The following CDK5RAP2 variants were observed in gnomAD, a reference collection of about 807,000 sequenced individuals.
CDK5RAP2 encodes the protein CDK5 regulatory subunit-associated protein 2.
CDK5RAP2 carries 147 observed loss-of-function variants against 232.9 expected under a neutral mutation model. The ratio of observed to expected loss-of-function variants is 0.63; its 90% CI spans 0.55 to 0.72. CDK5RAP2 has a LOEUF of 0.72. Among genes scored for constraint, CDK5RAP2 ranks in the 30% least tolerant of loss-of-function variants. CDK5RAP2 has a pLI of 0.00. For synonymous variants in CDK5RAP2, 833 were observed against 833.7 expected (o/e 1.00, Z 0.01); for missense variants, 2,195 against 2,231.5 (o/e 0.98, Z 0.33).
chr9:120,389,963 A>C lies in CDK5RAP2; in HGVS notation c.5579-176T>G, dbSNP rs2297456. ...CAAAGGGCCCACCTGACCCATCACA[A>C]ACCCCAGGGCCAAATAACGCATCAA... On this transcript the variant is annotated intron_variant, in intron 36 of 37. Coordinates refer to ENST00000349780, the MANE Select transcript of CDK5RAP2 (RefSeq NM_018249.6). 0.69 allele frequency: 458,599 copies of C among 660,442 alleles called. 160,233 individuals are homozygous for C. The highest frequency in any genetic ancestry group is 0.79 in the East Asian group (28,342 of 35,844). 40.9% of individuals were successfully genotyped at this position (660,442 alleles called of 1,614,324 possible).
At chr9:120,468,027 C>A (rs905326642) in intron 17 of CDK5RAP2, 30 bp from the exon 18 acceptor site, 1 of 1,613,116 alleles carries the variant, frequency 6.2e-7, no homozygotes, top group Non-Finnish European at 8.5e-7. Flanking sequence ...AAAAGGCTGT[C>A]TACCCAGCAA....
intron 23 of CDK5RAP2, 105 bp downstream of exon 23, chr9:120,443,515 C>T: frequency 7.9e-7 from 1 of 1,264,986 alleles, no homozygotes; most frequent in Non-Finnish European, 1.2e-6. Context: ...GATAATAATG[C>T]CCTGAGAGGG....
intron 11 of CDK5RAP2, among the ~76,000 whole-genome samples, chr9:120,520,750 CATATCTCATGAGATATATCTCAG>C (rs138818474): frequency 0.07 from 9,359 of 134,072 alleles, 2,689 homozygotes; most frequent in Middle Eastern, 0.099. Flanking sequence ...TGTGATATCT[CATATCTCATGAGATATATCTCAG>C]ATATCTCATG....
intron 10 of CDK5RAP2, among the ~76,000 whole-genome samples, chr9:120,525,481 G>A (rs1485486649): frequency 3.3e-5 from 5 of 151,888 alleles, no homozygotes; most frequent in Non-Finnish European, 7.4e-5. Flanking sequence ...CTATACCCCG[G>A]AGTTGGCCAT....
chr9:120,511,937 C>T (rs1481908218), intron 12 of CDK5RAP2, among the ~76,000 whole-genome samples: 1 of 152,066 alleles, frequency 6.6e-6, no homozygotes, highest in Admixed American at 6.5e-5. Context: ...AGGATTTCAC[C>T]ATGTCGACCA....
intron 34 of CDK5RAP2, among the ~76,000 whole-genome samples, chr9:120,401,682 C>A (rs551963120): frequency 2.1e-5 from 3 of 145,612 alleles, no homozygotes; most frequent in South Asian, 2.2e-4. Flanking sequence ...ACAAAAAAAT[C>A]ATTATAAATG....
chr9:120,484,551 G>A (rs1057352642), intron 14 of CDK5RAP2, among the ~76,000 whole-genome samples: 3 of 152,022 alleles, frequency 2.0e-5, no homozygotes, highest in Non-Finnish European at 4.4e-5. Context: ...GTGAAACCCT[G>A]TCTCTACCAA....
chr9:120,471,124 C>T (rs1473657873), intron 16 of CDK5RAP2, among the ~76,000 whole-genome samples: 1 of 152,154 alleles, frequency 6.6e-6, no homozygotes, highest in Non-Finnish European at 1.5e-5. Flanking sequence ...TCAAACCTAC[C>T]ACTGTTATTA....
At chr9:120,545,433 G>C (rs192278437) in intron 5 of CDK5RAP2, among the ~76,000 whole-genome samples, 6 of 152,020 alleles carry the variant, frequency 3.9e-5, no homozygotes, top group Non-Finnish European at 7.4e-5. Flanking sequence ...GAGGGCTTCT[G>C]GGGGGCTGGC....
intron 4 of CDK5RAP2, among the ~76,000 whole-genome samples, chr9:120,547,811 A>C (rs1236210555): frequency 6.6e-6 from 1 of 152,208 alleles, no homozygotes; most frequent in Non-Finnish European, 1.5e-5. Flanking sequence ...GTGGCTCCTC[A>C]CTTACTCACT....
rs773890666 is a variant in CDK5RAP2 at position 120,453,796 on chromosome 9, T to C, written c.2453A>G (p.His818Arg). The change falls in exon 21 of 38, where the codon CAC becomes CGC. Residue 818 changes from histidine to arginine, a missense_variant. His to Arg is a conservative substitution (Grantham distance 29, BLOSUM62 0). Transcript: ENST00000349780. ...TGTCTTCTCAGTTTTACCATCAAGGTGTTCTCCAGAAACTTCCTGCTCTGT... is the reference window on the plus strand; with the variant it reads ...TGTCTTCTCAGTTTTACCATCAAGGCGTTCTCCAGAAACTTCCTGCTCTGT... ...FLTEQEVSGE[H>R]LDGKTEKTPK... The C allele has an allele frequency of 6.2e-7, 1 of 1,614,224 alleles. No individual in the cohort carries two copies. The highest frequency in any genetic ancestry group is 1.1e-5 in the South Asian group (1 of 91,082).
At chr9:120,542,243 C>T (rs1255564678) in intron 5 of CDK5RAP2, among the ~76,000 whole-genome samples, 4 of 152,222 alleles carry the variant, frequency 2.6e-5, no homozygotes, top group African/African-American at 9.6e-5. Flanking sequence ...GTGGCTCATG[C>T]TTGTAATCCC....
At chr9:120,537,584 G>C (rs1482442262) in intron 6 of CDK5RAP2, among the ~76,000 whole-genome samples, 1 of 151,944 alleles carries the variant, frequency 6.6e-6, no homozygotes, top group Non-Finnish European at 1.5e-5. Flanking sequence ...AGACAGTAGA[G>C]TATAGCAGTT....
chr9:120,477,915 G>T (rs1031879361), intron 14 of CDK5RAP2, among the ~76,000 whole-genome samples: 3 of 152,182 alleles, frequency 2.0e-5, no homozygotes, highest in Non-Finnish European at 2.9e-5. Flanking sequence ...ATTCTTGGGA[G>T]GCATCCAGAA....
intron 25 of CDK5RAP2, among the ~76,000 whole-genome samples, chr9:120,425,186 C>G (rs2034816978): frequency 6.6e-6 from 1 of 152,158 alleles, no homozygotes; most frequent in Non-Finnish European, 1.5e-5. Context: ...CATGAGTTTC[C>G]CCATCAAATA....
At chr9:120,456,625 T>C (rs376152297) in intron 20 of CDK5RAP2, among the ~76,000 whole-genome samples, 8 of 152,346 alleles carry the variant, frequency 5.3e-5, no homozygotes, top group African/African-American at 9.6e-5. Context: ...TCTCAAACTA[T>C]AGTAAACCCA....
chr9:120,406,867 G>T (rs1448910874), intron 32 of CDK5RAP2, 145 bp downstream of exon 32: 4 of 661,480 alleles, frequency 6.0e-6, no homozygotes, highest in Non-Finnish European at 1.1e-5. Flanking sequence ...TTAGCAGTCA[G>T]GTCCCCTGGC....
rs931848411 is a variant in CDK5RAP2 at position 120,403,929 on chromosome 9, C to T, written c.5041+107G>A. ...GAGAACTTGAAATCCCAAATCCTTA[C>T]CAAATACCCTCCTGAGTTGGGACCA... On this transcript the variant is annotated intron_variant, in intron 33 of 37. Transcript: ENST00000349780. The surrounding 1 kb of genome is among the most constrained non-coding windows in gnomAD (Gnocchi z 4.2). 6.4e-6 allele frequency: 5 copies of T among 781,542 alleles called. No homozygotes were observed. Among genetic ancestry groups the T allele is most frequent in the Non-Finnish European group, 1.1e-5 (5 of 436,628 alleles). The allele number at this position is 781,542 out of a possible 1,614,324, so 48.4% of individuals were successfully genotyped here.
chr9:120,406,383 C>T (rs2033439786), intron 32 of CDK5RAP2: 1 of 152,750 alleles, frequency 6.5e-6, no homozygotes, highest in Non-Finnish European at 1.5e-5. Flanking sequence ...TGCTGTGCCA[C>T]TTTGGGCAAG....
Sources: gnomAD v4.1 joint callset for allele counts (sites outside exome capture counted in the v4.1 genomes callset) on GRCh38, gnomAD v4.1.1 for gene constraint, Gnocchi (gnomAD v3.1) non-coding constraint, MANE v1.5 for transcripts, NCBI Gene and HGNC (gene_info 2026-07-23, HGNC 2026-07-21) for gene names.